The following FAS variants were observed in gnomAD, a reference collection of about 807,000 sequenced individuals.
FAS encodes the protein Fas cell surface death receptor.
Under a neutral mutation model 33.2 loss-of-function variants are expected in FAS, and 5 were observed. The observed-to-expected ratio is 0.15, with a 90% CI of 0.08 to 0.32. The LOEUF is 0.32. Among genes scored for constraint, FAS ranks in the 10% least tolerant of loss-of-function variants. The pLI is 1.00. For synonymous variants in FAS, 131 were observed against 130.7 expected, an observed-to-expected ratio of 1.00 and a Z score of -0.01; for missense variants, 339 against 386.0, an observed-to-expected ratio of 0.88 and a Z score of 1.02.
chr10:88,975,257 G>A (rs528221604), intron 2 of FAS: 3 of 152,100 alleles, frequency 2.0e-5, no homozygotes, highest in African/African-American at 7.2e-5. Context: ...GGAAAAGATT[G>A]CTAAATTTAT....
intron 2 of FAS, chr10:88,974,239 G>C (rs530642182): frequency 6.7e-6 from 1 of 150,184 alleles, no homozygotes; most frequent in South Asian, 2.1e-4. Context: ...CATTTGGCTT[G>C]ACTCTTTGGT....
rs1354655908 is a variant in FAS at position 89,015,674 on chromosome 10, C to G, written c.*1224C>G. 1 of 492,178 alleles carries G rather than the reference C, an allele frequency of 2.0e-6. No homozygotes were observed. Among genetic ancestry groups the G allele is most frequent in the African/African-American group, 1.9e-5 (1 of 52,344 alleles). 30.5% of individuals were successfully genotyped at this position (492,178 alleles called of 1,614,324 possible). A position where few individuals can be genotyped will look rare whatever the true frequency, so the allele number is the denominator to read the frequency against. ...CTGTGAAGATAGTTATAAACTGAAG[C>G]AGATACCTGGAACCACCTAAAGAAC... On this transcript the variant is annotated 3_prime_UTR_variant, in exon 9 of 9. Coordinates refer to ENST00000652046, the MANE Select transcript of FAS (RefSeq NM_000043.6).
intron 1 of FAS, among the ~76,000 whole-genome samples, chr10:88,997,408 A>T (rs1847666536): frequency 6.6e-6 from 1 of 152,170 alleles, no homozygotes; most frequent in African/African-American, 2.4e-5. Flanking sequence ...CCAGTCATGG[A>T]TCTAATCAGT....
At chr10:88,991,326 C>T in intron 1 of FAS, 4 of 343,756 alleles carry the variant, frequency 1.2e-5, no homozygotes, top group Non-Finnish European at 2.2e-5. Context: ...CCCTGACAAG[C>T]CAAGCCAAAG....
rs935923105 is a variant in FAS at position 89,010,756 on chromosome 10, C to G, written c.509C>G (p.Ser170Cys). Residue 170 changes from serine (S) to cysteine (C), a missense_variant, in exon 6 of 9, where the codon TCC (serine) becomes TGC (cysteine). Coordinates refer to ENST00000652046, the MANE Select transcript of FAS (RefSeq NM_000043.6). ...TGTCCAATGTTCCAACCTACAGGAT[C>G]CAGATCTAACTTGGGGTGGCTTTGT... ...TSNTKCKEEG[S>C]RSNLGWLCLL... The G allele has an allele frequency of 2.5e-6, 4 of 1,614,036 alleles. No individual in the cohort carries two copies.
At chr10:88,986,701 A>G (rs1846899060), upstream of FAS, among the ~76,000 whole-genome samples, 2 of 152,002 alleles carry the variant, frequency 1.3e-5, no homozygotes, top group East Asian at 1.9e-4. Flanking sequence ...TAGTGCAGGA[A>G]GGAAGTGGTA....
intron 1 of FAS, among the ~76,000 whole-genome samples, chr10:88,991,791 C>T (rs988870195): frequency 2.6e-5 from 4 of 152,092 alleles, no homozygotes; most frequent in Non-Finnish European, 5.9e-5. Flanking sequence ...TATTATTGGC[C>T]AAGAAACTTG....
upstream of FAS, among the ~76,000 whole-genome samples, chr10:88,986,811 C>A (rs1846905696): frequency 6.6e-6 from 1 of 152,058 alleles, no homozygotes; most frequent in Non-Finnish European, 1.5e-5. Context: ...TGGTTGTAAG[C>A]CATTTAACTT....
Position 88,990,973 on chromosome 10 carries a change from G to A in FAS, c.30+67G>A. 5 of 1,608,984 alleles carry A rather than the reference G, an allele frequency of 3.1e-6. No homozygotes were observed. Among genetic ancestry groups the A allele is most frequent in the Non-Finnish European group, 4.3e-6 (5 of 1,175,750 alleles). On this transcript the variant is annotated intron_variant, in intron 1 of 8. Coordinates refer to ENST00000652046, the MANE Select transcript of FAS (RefSeq NM_000043.6). This position sits in a 1 kb window ranked among gnomAD's most constrained non-coding sequence, Gnocchi z 4.9. ...GTCCCGGGGATAGGCAAAGTGGGGCGGGCGCGGGACGCGTGCGGGATTGCG... is the reference window on the plus strand; with the variant it reads ...GTCCCGGGGATAGGCAAAGTGGGGCAGGCGCGGGACGCGTGCGGGATTGCG...
chr10:89,009,546 G>A (rs1055783191), intron 4 of FAS, among the ~76,000 whole-genome samples: 7 of 152,208 alleles, frequency 4.6e-5, no homozygotes, highest in Admixed American at 6.5e-5. Flanking sequence ...ACTGAGAAGC[G>A]TTCAGGGCTG....
chr10:88,990,670 A>G, upstream of FAS: 1 of 703,148 alleles, frequency 1.4e-6, no homozygotes, highest in Non-Finnish European at 2.6e-6. The surrounding 1 kb of genome is among the most constrained non-coding windows in gnomAD (Gnocchi z 4.9). Context: ...AGAGTGACAC[A>G]CAGGTGTTCA....
At chr10:89,011,473 C>T (rs564411821) in intron 6 of FAS, among the ~76,000 whole-genome samples, 1 of 152,320 alleles carries the variant, frequency 6.6e-6, no homozygotes, top group South Asian at 2.1e-4. Context: ...AGAAAGTTTG[C>T]CTTGCCTTTA....
At chr10:88,971,062 G>A (rs1401637653) in intron 1 of FAS, among the ~76,000 whole-genome samples, 5 of 152,124 alleles carry the variant, frequency 3.3e-5, no homozygotes, top group African/African-American at 1.2e-4. Context: ...TCTACAGATG[G>A]CACAAATAAT....
upstream of FAS, among the ~76,000 whole-genome samples, chr10:88,987,756 C>G (rs765912631): frequency 1.3e-5 from 2 of 152,216 alleles, no homozygotes; most frequent in Non-Finnish European, 2.9e-5. Flanking sequence ...ACCAATGCCA[C>G]TGTGATGGTT....
At chr10:89,002,333 C>T (rs745489793) in intron 1 of FAS, among the ~76,000 whole-genome samples, 3 of 152,192 alleles carry the variant, frequency 2.0e-5, no homozygotes, top group Non-Finnish European at 2.9e-5. Context: ...TAATCTGTCA[C>T]CTGGGTACTT....
chr10:89,001,312 T>A (rs1847919056), intron 1 of FAS, among the ~76,000 whole-genome samples: 1 of 151,868 alleles, frequency 6.6e-6, no homozygotes, highest in Non-Finnish European at 1.5e-5. Context: ...CCTGTTTGCT[T>A]TGAACTTCAA....
chr10:88,976,892 C>T (rs192623991), intron 2 of FAS, among the ~76,000 whole-genome samples: 56 of 152,272 alleles, frequency 3.7e-4, no homozygotes, highest in African/African-American at 8.9e-4. Flanking sequence ...CAAACCAATG[C>T]TGATGTTTGT....
intron 1 of FAS, among the ~76,000 whole-genome samples, chr10:89,001,921 A>G (rs1847951764): frequency 6.6e-6 from 1 of 152,154 alleles, no homozygotes; most frequent in South Asian, 2.1e-4. Context: ...TCAGTGCCCA[A>G]ACTGGAGGGA....
chr10:89,015,627 T>C lies in FAS; in HGVS notation c.*1177T>C. 1 of 500,118 alleles carries C rather than the reference T, an allele frequency of 2.0e-6. No homozygotes were observed. The highest frequency in any genetic ancestry group is 1.8e-5 in the South Asian group (1 of 57,062). The allele number at this position is 500,118 out of a possible 1,614,324, so 31.0% of individuals were successfully genotyped here. A position where few individuals can be genotyped will look rare whatever the true frequency, so the allele number is the denominator to read the frequency against. On this transcript the variant is annotated 3_prime_UTR_variant, in exon 9 of 9. Coordinates refer to ENST00000652046, the MANE Select transcript of FAS (RefSeq NM_000043.6). ...TAAATGTGAATTTTAAGAAATAATA[T>C]TTATATTTCTGTAAATGTAAACTGT...
Sources: gnomAD v4.1 joint callset for allele counts (sites outside exome capture counted in the v4.1 genomes callset) on GRCh38, gnomAD v4.1.1 for gene constraint, Gnocchi (gnomAD v3.1) non-coding constraint, MANE v1.5 for transcripts, NCBI Gene and HGNC (gene_info 2026-07-23, HGNC 2026-07-21) for gene names.